Variants in MYO1E observed in about 807,000 individuals in gnomAD.
MYO1E encodes the protein unconventional myosin-Ie.
MYO1E carries 68 observed loss-of-function variants against 151.1 expected under a neutral mutation model. The observed-to-expected ratio is 0.45, with a 90% confidence interval of 0.37 to 0.55. The LOEUF (loss-of-function observed/expected upper bound fraction) is 0.55, where lower values mean the gene tolerates loss of function less well. Ranked by LOEUF, MYO1E falls within the 20% of genes least tolerant of loss-of-function variation. The pLI, the probability that MYO1E is intolerant of heterozygous loss-of-function variation, is 0.00. For missense variants in MYO1E, 1,363 were observed against 1,389.3 expected (o/e 0.98, Z 0.30); for synonymous variants, 601 against 501.7 (o/e 1.20, Z -2.64).
At chr15:59,272,134 A>G in intron 2 of MYO1E, 172 bp downstream of exon 2, 1 of 662,198 alleles carries the variant, frequency 1.5e-6, no homozygotes, top group Non-Finnish European at 2.6e-6. Context: ...TTTATTTTTT[A>G]TAATAGAGAT....
At chr15:59,200,145 G>A (rs2079792168) in intron 16 of MYO1E, among the ~76,000 whole-genome samples, 1 of 152,074 alleles carries the variant, frequency 6.6e-6, no homozygotes, top group Non-Finnish European at 1.5e-5. Context: ...AAGTCTTTAA[G>A]GAGGAAAAAG....
intron 25 of MYO1E, among the ~76,000 whole-genome samples, chr15:59,154,429 A>G (rs2079499073): frequency 6.6e-6 from 1 of 152,234 alleles, no homozygotes; most frequent in African/African-American, 2.4e-5. Flanking sequence ...GCCAATAAGT[A>G]ATGGGTTACA....
At chr15:59,348,564 G>C (rs1213554723) in intron 1 of MYO1E, 3 of 152,072 alleles carry the variant, frequency 2.0e-5, no homozygotes, top group African/African-American at 4.8e-5. Flanking sequence ...AGCACTACGG[G>C]TGAATTTTAG....
chr15:59,258,798 T>C (rs1163070321), intron 3 of MYO1E, among the ~76,000 whole-genome samples: 1 of 151,890 alleles, frequency 6.6e-6, no homozygotes, highest in Non-Finnish European at 1.5e-5. Context: ...TGGAGGTTCC[T>C]GTGAGCCAAG....
At chr15:59,172,898 G>T (rs1244786062) in intron 21 of MYO1E, among the ~76,000 whole-genome samples, 1 of 152,268 alleles carries the variant, frequency 6.6e-6, no homozygotes, top group African/African-American at 2.4e-5. Context: ...AGCAGCTGGT[G>T]CCATGCACAG....
In MYO1E at chr15:59,278,166, A is replaced by G. The variant is rs2140386885; in HGVS notation, c.4-5717T>C. 2.0e-5 allele frequency among the ~76,000 whole-genome samples: 3 copies of G among 152,350 alleles called. No homozygotes were observed. In the South Asian group the frequency reaches 6.2e-4, roughly 32 times the overall value. ...AAGGTGATTGGAAGACGCTGTGTGG[A>G]CAGTAAGATAGTATCATGTCTGAGC... On this transcript the variant is annotated intron_variant, in intron 1 of 27. Transcript: ENST00000288235.
chr15:59,365,317 C>T (rs916375239), intron 1 of MYO1E, among the ~76,000 whole-genome samples: 5 of 152,182 alleles, frequency 3.3e-5, no homozygotes, highest in African/African-American at 1.2e-4. Flanking sequence ...CCGCGCCCGG[C>T]TGAATTCTTC....
At chr15:59,307,600 AGTTTTT>A (rs1432231326) in intron 1 of MYO1E, among the ~76,000 whole-genome samples, 13 of 146,596 alleles carry the variant, frequency 8.9e-5, no homozygotes, top group African/African-American at 3.2e-4. Flanking sequence ...CAATGAGTTT[AGTTTTT>A]GTTTTTGGTT....
At chr15:59,246,065 A>G (rs1440845876) in intron 4 of MYO1E, among the ~76,000 whole-genome samples, 3 of 152,176 alleles carry the variant, frequency 2.0e-5, no homozygotes, top group South Asian at 2.1e-4. Context: ...ACAGGTACCT[A>G]CCAAGCCTTC....
At chr15:59,218,199 G>T in intron 9 of MYO1E, 112 bp from the exon 10 acceptor site, 1 of 1,305,476 alleles carries the variant, frequency 7.7e-7, no homozygotes, top group South Asian at 1.2e-5. Context: ...GTGCATAGAA[G>T]GCACAATCAC....
chr15:59,163,346 T>A, intron 22 of MYO1E, 43 bp from the exon 23 acceptor site: 1 of 1,583,466 alleles, frequency 6.3e-7, no homozygotes, highest in Non-Finnish European at 8.6e-7. Flanking sequence ...AAGCTGTGCT[T>A]CTGTTTACTC....
At chr15:59,342,636 C>A (rs2080772404) in intron 1 of MYO1E, among the ~76,000 whole-genome samples, 1 of 152,084 alleles carries the variant, frequency 6.6e-6, no homozygotes, top group Admixed American at 6.6e-5. Flanking sequence ...ATAAGTGAGG[C>A]CTTACTCCTG....
intron 1 of MYO1E, among the ~76,000 whole-genome samples, chr15:59,361,171 G>C (rs2080883436): frequency 6.6e-6 from 1 of 152,160 alleles, no homozygotes; most frequent in African/African-American, 2.4e-5. Flanking sequence ...ATGTGAGTGA[G>C]GCCACCCTAG....
At chr15:59,368,707 G>C (rs1426577826) in intron 1 of MYO1E, among the ~76,000 whole-genome samples, 3 of 151,950 alleles carry the variant, frequency 2.0e-5, no homozygotes, top group Non-Finnish European at 2.9e-5. Context: ...GATCGCGCCA[G>C]TGCACTCCAG....
intron 1 of MYO1E, among the ~76,000 whole-genome samples, chr15:59,312,369 T>C (rs2080557809): frequency 1.3e-5 from 2 of 152,176 alleles, no homozygotes; most frequent in Admixed American, 1.3e-4. Context: ...AACAGGAACT[T>C]GGGCCGAGCC....
At chr15:59,170,587 TA>T (rs202232871) in intron 22 of MYO1E, among the ~76,000 whole-genome samples, 3 of 143,642 alleles carry the variant, frequency 2.1e-5, no homozygotes, top group African/African-American at 2.6e-5. Context: ...CCTAGAGCTT[TA>T]AAAAAAAAAC....
At chr15:59,274,095 G>A (rs2080304538) in intron 1 of MYO1E, among the ~76,000 whole-genome samples, 1 of 151,714 alleles carries the variant, frequency 6.6e-6, no homozygotes, top group African/African-American at 2.4e-5. Flanking sequence ...CCTTTGCTAA[G>A]AGCAAGTTCT....
At chr15:59,333,567 C>A (rs1426578237) in intron 1 of MYO1E, among the ~76,000 whole-genome samples, 1 of 152,132 alleles carries the variant, frequency 6.6e-6, no homozygotes, top group Non-Finnish European at 1.5e-5. Context: ...TACTCACCAA[C>A]CTCCCACACC....
At chr15:59,330,238 T>C (rs1465712833) in intron 1 of MYO1E, among the ~76,000 whole-genome samples, 1 of 152,108 alleles carries the variant, frequency 6.6e-6, no homozygotes, top group Non-Finnish European at 1.5e-5. Flanking sequence ...ATCAAAGTGC[T>C]GTAATTGAAG....
Sources: allele counts gnomAD v4.1 joint callset (sites outside exome capture counted in the v4.1 genomes callset), GRCh38; gene constraint gnomAD v4.1.1; transcripts MANE v1.5; gene names NCBI Gene and HGNC (gene_info 2026-07-23, HGNC 2026-07-21).